The following EHBP1 variants were observed in gnomAD, a reference collection of about 807,000 sequenced individuals.
EHBP1 encodes the protein EH domain-binding protein 1.
Under a neutral mutation model 144.0 loss-of-function variants are expected in EHBP1, and 55 were observed. That is an observed-to-expected ratio of 0.38 (90% confidence interval 0.31 to 0.48). The LOEUF (loss-of-function observed/expected upper bound fraction) is 0.48, where lower values mean the gene tolerates loss of function less well. Among genes scored for constraint, EHBP1 ranks in the 20% least tolerant of loss-of-function variants. EHBP1 has a pLI of 0.98. For synonymous variants in EHBP1, 469 were observed against 472.7 expected, an observed-to-expected ratio of 0.99 and a Z score of 0.10; for missense variants, 1,200 against 1,364.2, an observed-to-expected ratio of 0.88 and a Z score of 1.90.
intron 10 of EHBP1, among the ~76,000 whole-genome samples, chr2:62,890,644 A>G (rs1185525731): frequency 6.6e-6 from 1 of 152,186 alleles, no homozygotes; most frequent in Non-Finnish European, 1.5e-5. Flanking sequence ...TTGGGCCAAG[A>G]CTGCGGTGTT....
intron 10 of EHBP1, among the ~76,000 whole-genome samples, chr2:62,894,839 AC>A (rs1049788276): frequency 6.6e-6 from 1 of 151,300 alleles, no homozygotes; most frequent in Non-Finnish European, 1.5e-5. Context: ...GATTGCTTGA[AC>A]CCAGGAGTTA....
chr2:62,912,323 G>A (rs1429680530), intron 10 of EHBP1, among the ~76,000 whole-genome samples: 1 of 152,038 alleles, frequency 6.6e-6, no homozygotes, highest in Admixed American at 6.6e-5. Context: ...AGGCTGAGGC[G>A]GGCAGATCAC....
At chr2:62,870,576 T>A (rs1027785280) in intron 9 of EHBP1, among the ~76,000 whole-genome samples, 4 of 151,338 alleles carry the variant, frequency 2.6e-5, no homozygotes, top group African/African-American at 9.7e-5. Context: ...ATTAGCTGGG[T>A]GTAGTGGCAG....
intron 7 of EHBP1, among the ~76,000 whole-genome samples, chr2:62,841,598 G>T (rs533627811): frequency 6.6e-6 from 1 of 152,022 alleles, no homozygotes; most frequent in Non-Finnish European, 1.5e-5. Context: ...AACCCCATTG[G>T]CTATTATGTT....
chr2:62,756,693 G>A (rs951767639), intron 3 of EHBP1, among the ~76,000 whole-genome samples: 5 of 151,414 alleles, frequency 3.3e-5, no homozygotes, highest in Admixed American at 6.6e-5. Flanking sequence ...GCTTGAACCC[G>A]GGTGGTGGAG....
intron 2 of EHBP1, among the ~76,000 whole-genome samples, chr2:62,722,026 T>G (rs1421947823): frequency 6.6e-6 from 1 of 152,220 alleles, no homozygotes; most frequent in Non-Finnish European, 1.5e-5. Flanking sequence ...TCAATCTCTC[T>G]TAAGCTATTT....
intron 7 of EHBP1, among the ~76,000 whole-genome samples, chr2:62,857,358 G>A (rs1051181560): frequency 1.3e-5 from 2 of 152,086 alleles, no homozygotes; most frequent in African/African-American, 2.4e-5. Flanking sequence ...TTTTGTGTCC[G>A]AAGAATAGGT....
chr2:62,726,591 C>T (rs1481780844), intron 2 of EHBP1: 2 of 152,180 alleles, frequency 1.3e-5, no homozygotes, highest in African/African-American at 2.4e-5. Flanking sequence ...CAAACTCTTA[C>T]CCATTAGTGT....
intron 10 of EHBP1, among the ~76,000 whole-genome samples, chr2:62,921,775 C>T (rs980444262): frequency 1.3e-5 from 2 of 152,200 alleles, no homozygotes; most frequent in Non-Finnish European, 2.9e-5. Context: ...TAATTATCTA[C>T]TCTTGACCAG....
chr2:62,927,141 A>G (rs990008420), intron 10 of EHBP1, among the ~76,000 whole-genome samples: 2 of 152,314 alleles, frequency 1.3e-5, no homozygotes, highest in South Asian at 4.1e-4. Flanking sequence ...GCTAAAAGTA[A>G]AAGTTGATCT....
At chr2:62,895,027 G>A (rs1033472929) in intron 10 of EHBP1, among the ~76,000 whole-genome samples, 23 of 151,732 alleles carry the variant, frequency 1.5e-4, no homozygotes, top group African/African-American at 4.4e-4. Context: ...AAAACTGTAC[G>A]GATGAATCTC....
At chr2:62,802,027 C>T (rs938293763) in intron 5 of EHBP1, among the ~76,000 whole-genome samples, 3 of 152,198 alleles carry the variant, frequency 2.0e-5, no homozygotes, top group African/African-American at 4.8e-5. Context: ...GAACGCAGCC[C>T]AAGAGATAAC....
At chr2:62,911,803 T>C (rs765353928) in intron 10 of EHBP1, among the ~76,000 whole-genome samples, 2 of 152,012 alleles carry the variant, frequency 1.3e-5, no homozygotes, top group African/African-American at 2.4e-5. Context: ...GGAGTGTTAG[T>C]GAGGATTGGA....
Position 62,729,848 on chromosome 2 carries a change from C to T in EHBP1, c.105-17547C>T, listed in dbSNP as rs543897914. On this transcript the variant is annotated intron_variant, in intron 2 of 22. Coordinates refer to ENST00000431489, the MANE Select transcript of EHBP1 (RefSeq NM_001142616.3). ...GAGAGTGCCTGTTTCCCCACAGCCTCGAGTACCAAATTTGTTGTCCTGAGG... is the reference window on the plus strand; with the variant it reads ...GAGAGTGCCTGTTTCCCCACAGCCTTGAGTACCAAATTTGTTGTCCTGAGG... Among the ~76,000 whole-genome samples the T allele has an allele frequency of 5.9e-5, 9 of 151,710 alleles. No individual in the cohort carries two copies. In the South Asian group the frequency reaches 6.2e-4, roughly 11 times the overall value.
At chr2:62,740,677 T>C (rs530113429) in intron 2 of EHBP1, among the ~76,000 whole-genome samples, 7 of 152,300 alleles carry the variant, frequency 4.6e-5, no homozygotes, top group Non-Finnish European at 7.4e-5. Context: ...TTTTTTCTTA[T>C]TTTAAGCATA....
chr2:62,801,700 T>C (rs1459104024), intron 5 of EHBP1, among the ~76,000 whole-genome samples: 1 of 152,202 alleles, frequency 6.6e-6, no homozygotes, highest in Non-Finnish European at 1.5e-5. Context: ...TTAAACTAAA[T>C]TTTGTTATTT....
intron 5 of EHBP1, among the ~76,000 whole-genome samples, chr2:62,806,967 T>G (rs1194784384): frequency 6.6e-6 from 1 of 152,198 alleles, no homozygotes; most frequent in Non-Finnish European, 1.5e-5. Flanking sequence ...CTGCAGGGAT[T>G]GGTTCCAGGA....
chr2:62,816,015 G>A (rs1169480559), intron 5 of EHBP1, among the ~76,000 whole-genome samples: 1 of 152,150 alleles, frequency 6.6e-6, no homozygotes, highest in African/African-American at 2.4e-5. Context: ...ATTACCATTA[G>A]CCTTTAAGAA....
chr2:62,780,469 A>G (rs575180735), intron 5 of EHBP1, among the ~76,000 whole-genome samples: 6 of 152,196 alleles, frequency 3.9e-5, no homozygotes, highest in Admixed American at 1.3e-4. Context: ...ATATATATAT[A>G]TCTCTCCTCC....
Sources: allele counts gnomAD v4.1 joint callset (sites outside exome capture counted in the v4.1 genomes callset), GRCh38; gene constraint gnomAD v4.1.1; transcripts MANE v1.5; gene names NCBI Gene and HGNC (gene_info 2026-07-23, HGNC 2026-07-21).